PPP1R1C: variants seen among roughly 807,000 people sequenced by gnomAD.
The protein encoded by PPP1R1C is protein phosphatase 1 regulatory inhibitor subunit 1C, also known as protein phosphatase 1 regulatory subunit 1C.
A neutral mutation model predicts 17.4 loss-of-function variants in PPP1R1C; 15 were observed. That is an observed-to-expected ratio of 0.86 (90% confidence interval 0.58 to 1.33). The LOEUF (loss-of-function observed/expected upper bound fraction) is 1.33, where lower values mean the gene tolerates loss of function less well. Ranked by LOEUF, PPP1R1C falls within the 40% of genes most tolerant of loss-of-function variation. PPP1R1C has a pLI of 0.00. For missense variants in PPP1R1C, 143 were observed against 130.0 expected (o/e 1.10, Z -0.48); for synonymous variants, 35 against 43.1 (o/e 0.81, Z 0.73).
chr2:182,120,965 T>A (rs1214499207), downstream of PPP1R1C, among the ~76,000 whole-genome samples: 5 of 152,222 alleles, frequency 3.3e-5, no homozygotes, highest in African/African-American at 9.6e-5. Flanking sequence ...AAGCTTAAGT[T>A]TTCTTTGAGA....
chr2:181,958,054 A>G (rs988659154), intron 1 of PPP1R1C, among the ~76,000 whole-genome samples: 1 of 152,206 alleles, frequency 6.6e-6, no homozygotes, highest in Admixed American at 6.5e-5. Flanking sequence ...TTTCCAATAT[A>G]GCTGTTTTCA....
upstream of PPP1R1C, among the ~76,000 whole-genome samples, chr2:181,984,966 C>T (rs548119554): frequency 1.3e-5 from 2 of 152,244 alleles, no homozygotes; most frequent in African/African-American, 4.8e-5. Context: ...TCCCACTGTT[C>T]CCTGACCACT....
At chr2:182,119,338 C>T (rs1272376598), downstream of PPP1R1C, among the ~76,000 whole-genome samples, 1 of 152,052 alleles carries the variant, frequency 6.6e-6, no homozygotes, top group African/African-American at 2.4e-5. Flanking sequence ...CAAGTCTTTG[C>T]TATTGTGAAT....
chr2:181,986,552 T>G (rs890481836), intron 1 of PPP1R1C, among the ~76,000 whole-genome samples: 1 of 152,218 alleles, frequency 6.6e-6, no homozygotes, highest in African/African-American at 2.4e-5. Context: ...ATTTCATTTT[T>G]TATAAAATAA....
intron 4 of PPP1R1C, among the ~76,000 whole-genome samples, chr2:182,116,639 A>T (rs751366131): frequency 4.6e-5 from 7 of 152,216 alleles, no homozygotes; most frequent in Admixed American, 2.6e-4. Context: ...AGAGCCTTGT[A>T]TAGCAGGCAA....
At position 182,025,764 on chromosome 2, in the gene PPP1R1C, G is replaced by C. The variant is rs1332272307; in HGVS notation, c.143-35678G>C. Among the ~76,000 whole-genome samples the C allele has an allele frequency of 4.8e-5, 7 of 144,420 alleles. No homozygotes were observed. The East Asian group carries it at 1.2e-3, about 25-fold the overall frequency. 94.7% of individuals were successfully genotyped at this position (144,420 alleles called of 152,430 possible). A position where few individuals can be genotyped will look rare whatever the true frequency, so the allele number is the denominator to read the frequency against. ...GGGTCAAATGGTATTTCTAGTTCTA[G>C]ATCCCTGAGGAGTCGCCACACTGAC... On this transcript the variant is annotated intron_variant, in intron 2 of 4. Transcript: ENST00000682840.
intron 2 of PPP1R1C, among the ~76,000 whole-genome samples, chr2:182,018,442 T>C (rs747723467): frequency 2.0e-5 from 3 of 152,198 alleles, no homozygotes; most frequent in African/African-American, 4.8e-5. Flanking sequence ...GTTTTTAGAA[T>C]TGACTTCATG....
At chr2:182,109,220 T>C (rs951222736) in intron 4 of PPP1R1C, among the ~76,000 whole-genome samples, 8 of 152,136 alleles carry the variant, frequency 5.3e-5, no homozygotes, top group Non-Finnish European at 8.8e-5. Context: ...GTTTTAAGAG[T>C]CCTTTGTATG....
At chr2:182,061,584 C>T (rs1478484606) in intron 3 of PPP1R1C, 105 bp downstream of exon 3, 4 of 575,708 alleles carry the variant, frequency 6.9e-6, no homozygotes, top group African/African-American at 2.0e-5. Flanking sequence ...TGTAATAAAA[C>T]TTTAGATTGC....
At chr2:181,980,059 C>G (rs760620763) in intron 2 of PPP1R1C, among the ~76,000 whole-genome samples, 12 of 152,074 alleles carry the variant, frequency 7.9e-5, no homozygotes, top group Non-Finnish European at 1.6e-4. Context: ...TTATAGGATT[C>G]TGCCTTCTTC....
At chr2:182,041,887 TA>T (rs1687195122) in intron 2 of PPP1R1C, among the ~76,000 whole-genome samples, 1 of 152,198 alleles carries the variant, frequency 6.6e-6, no homozygotes, top group South Asian at 2.1e-4. Context: ...TTATAGTGCT[TA>T]AAGTTTAATT....
intron 2 of PPP1R1C, among the ~76,000 whole-genome samples, chr2:182,004,601 T>C (rs1304956548): frequency 6.6e-6 from 1 of 152,218 alleles, no homozygotes; most frequent in Non-Finnish European, 1.5e-5. Flanking sequence ...GAGCCTGTTA[T>C]GTGTGGCATG....
At chr2:182,078,612 C>G (rs747948607) in intron 4 of PPP1R1C, among the ~76,000 whole-genome samples, 1 of 152,142 alleles carries the variant, frequency 6.6e-6, no homozygotes, top group Non-Finnish European at 1.5e-5. Flanking sequence ...TCATTTGGTA[C>G]GGGAAAAAAT....
intron 4 of PPP1R1C, among the ~76,000 whole-genome samples, chr2:182,107,791 T>C (rs1689296489): frequency 6.6e-6 from 1 of 152,110 alleles, no homozygotes; most frequent in Admixed American, 6.6e-5. Flanking sequence ...TGCTTTCTAC[T>C]TTGAGAAAAC....
chr2:182,118,792 TTCTG>T (rs754005840), downstream of PPP1R1C, among the ~76,000 whole-genome samples: 99 of 152,100 alleles, frequency 6.5e-4, 1 homozygote, highest in Non-Finnish European at 1.1e-3. Context: ...TGTTCCTTTC[TTCTG>T]TCTTTCTCCC....
intron 2 of PPP1R1C, among the ~76,000 whole-genome samples, chr2:182,060,689 T>G (rs1378043924): frequency 6.6e-6 from 1 of 152,136 alleles, no homozygotes; most frequent in Non-Finnish European, 1.5e-5. Flanking sequence ...GAACTTCTCA[T>G]TCAGTTTTTG....
chr2:182,020,118 A>G (rs530593599), intron 2 of PPP1R1C, among the ~76,000 whole-genome samples: 1 of 152,332 alleles, frequency 6.6e-6, no homozygotes, highest in South Asian at 2.1e-4. Flanking sequence ...TGATGACTGT[A>G]AAGATTTAAA....
In PPP1R1C at chr2:182,107,601, T is replaced by G. The variant is rs530189440; in HGVS notation, c.242-9606T>G. The stretch of plus-strand genomic sequence containing the variant: ...ATGCAACTGGACACAGCTTTACTGA[T>G]GGTCTTATTTTGAACTCATGACTAC... On this transcript the variant is annotated intron_variant, in intron 4 of 4. Transcript: ENST00000682840. Among the ~76,000 whole-genome samples, 4 of 152,298 alleles carry G rather than the reference T, an allele frequency of 2.6e-5. No homozygotes were observed. The South Asian group carries it at 8.3e-4, about 32-fold the overall frequency.
intron 1 of PPP1R1C, chr2:181,954,756 C>A (rs540917518): frequency 2.6e-5 from 4 of 152,244 alleles, no homozygotes; most frequent in Admixed American, 2.6e-4. Context: ...CATTTTATTG[C>A]CATTTTACTG....
Sources: gnomAD v4.1 joint callset for allele counts (sites outside exome capture counted in the v4.1 genomes callset) on GRCh38, gnomAD v4.1.1 for gene constraint, MANE v1.5 for transcripts, NCBI Gene and HGNC (gene_info 2026-07-23, HGNC 2026-07-21) for gene names.